Variants in SLC14A2 observed in about 807,000 individuals in gnomAD.
SLC14A2 encodes solute carrier family 14 member 2.
SLC14A2 carries 91 observed loss-of-function variants against 104.6 expected under a neutral mutation model. The observed-to-expected ratio is 0.87, with a 90% CI of 0.73 to 1.04. The LOEUF (loss-of-function observed/expected upper bound fraction) is 1.04, where lower values mean the gene tolerates loss of function less well. Ranked by LOEUF, SLC14A2 falls within the 50% of genes least tolerant of loss-of-function variation. The pLI, the probability that SLC14A2 is intolerant of heterozygous loss-of-function variation, is 0.00. For synonymous variants in SLC14A2, 476 were observed against 466.4 expected (o/e 1.02, Z -0.27); for missense variants, 1,189 against 1,156.0 (o/e 1.03, Z -0.41).
At chr18:45,635,755 G>C (rs2045408316) in intron 5 of SLC14A2, among the ~76,000 whole-genome samples, 1 of 152,208 alleles carries the variant, frequency 6.6e-6, no homozygotes, top group Non-Finnish European at 1.5e-5. Flanking sequence ...GAAGATACTA[G>C]AGCATGTTAT....
the SLC14A2 span, among the ~76,000 whole-genome samples, chr18:45,197,731 G>A: frequency 7.9e-5 from 12 of 152,168 alleles, no homozygotes; most frequent in South Asian, 2.1e-4. Context: ...TGAACAATGC[G>A]TCTCATTCAT....
At chr18:45,319,092 C>A (rs1256934909) in intron 1 of SLC14A2, among the ~76,000 whole-genome samples, 1 of 152,204 alleles carries the variant, frequency 6.6e-6, no homozygotes, top group African/African-American at 2.4e-5. Flanking sequence ...ACTTCCCACT[C>A]ATACAATTTC....
At chr18:45,648,195 C>CTTTTTTTTTTTTTTTTTTTTTT (rs59843067) in intron 10 of SLC14A2, among the ~76,000 whole-genome samples, 1 of 101,248 alleles carries the variant, frequency 9.9e-6, no homozygotes, top group African/African-American at 3.9e-5. Context: ...CTAGTTAATG[C>CTTTTTTTTTTTTTTTTTTTTTT]TTTTTTTTTT....
chr18:45,466,990 AT>A (rs1017150849), intron 1 of SLC14A2, among the ~76,000 whole-genome samples: 1 of 152,058 alleles, frequency 6.6e-6, no homozygotes, highest in African/African-American at 2.4e-5. Flanking sequence ...TTATCTACTG[AT>A]GATGACACAA....
chr18:45,576,272 C>CTTTTTTTTT lies in SLC14A2; in HGVS notation c.-34-48346_-34-48338dup, dbSNP rs776335445. On this transcript the variant is annotated intron_variant, in intron 2 of 20. Transcript: ENST00000586448. ...GGAGAGAAGGTGGCTGGAGCAGGGG[C>CTTTTTTTTT]TTTTTTTTTTTTTTTTTTTTTGAGA... Among the ~76,000 whole-genome samples the CTTTTTTTTT allele has an allele frequency of 8.8e-5, 8 of 90,680 alleles. 1 individual carries two copies. Among genetic ancestry groups the CTTTTTTTTT allele is most frequent in the African/African-American group, 1.7e-4 (4 of 24,000 alleles). 59.5% of individuals were successfully genotyped at this position (90,680 alleles called of 152,430 possible). A position where few individuals can be genotyped will look rare whatever the true frequency, so the allele number is the denominator to read the frequency against.
chr18:45,442,809 T>C lies in SLC14A2; in HGVS notation c.-124-40424T>C, dbSNP rs372807904. On this transcript the variant is annotated intron_variant, in intron 1 of 20. Transcript: ENST00000586448. ...CACTATTGTTATTGTTTGCTAAGCC[T>C]TCATTTGCTAAAGATTTATCTTTAA... Among the ~76,000 whole-genome samples the C allele has an allele frequency of 3.7e-4, 57 of 152,338 alleles. 1 individual carries two copies. The South Asian group carries it at 0.012, about 31-fold the overall frequency.
intron 1 of SLC14A2, among the ~76,000 whole-genome samples, chr18:45,323,920 C>T (rs562182659): frequency 1.3e-5 from 2 of 152,262 alleles, no homozygotes; most frequent in South Asian, 4.1e-4. Context: ...TCAGAGATGA[C>T]TGTTGAACTA....
At chr18:45,580,686 G>A (rs2044478046) in intron 2 of SLC14A2, among the ~76,000 whole-genome samples, 1 of 152,024 alleles carries the variant, frequency 6.6e-6, no homozygotes, top group Non-Finnish European at 1.5e-5. Flanking sequence ...GTAATGCTCT[G>A]AGCCCCATTT....
chr18:45,582,786 A>C (rs1344895015), intron 2 of SLC14A2, among the ~76,000 whole-genome samples: 3 of 152,064 alleles, frequency 2.0e-5, no homozygotes, highest in African/African-American at 7.2e-5. Context: ...GGGCATCTTC[A>C]CATGGCATCT....
intron 1 of SLC14A2, among the ~76,000 whole-genome samples, chr18:45,423,371 G>C (rs1008613677): frequency 2.6e-5 from 4 of 152,232 alleles, no homozygotes; most frequent in Admixed American, 2.0e-4. Context: ...CGAGTTCATA[G>C]TCCTGTCCTG....
intron 2 of SLC14A2, among the ~76,000 whole-genome samples, chr18:45,516,662 G>C (rs985826731): frequency 7.2e-5 from 11 of 152,190 alleles, no homozygotes; most frequent in African/African-American, 2.4e-4. Context: ...AAACCCACTG[G>C]CCTAGTTGAT....
intron 1 of SLC14A2, among the ~76,000 whole-genome samples, chr18:45,450,473 G>C (rs973030782): frequency 9.2e-5 from 14 of 152,176 alleles, no homozygotes; most frequent in African/African-American, 3.4e-4. Context: ...AGGGGTTATA[G>C]GGGTTTGACA....
chr18:45,661,423 T>C (rs1599140411), intron 10 of SLC14A2, among the ~76,000 whole-genome samples: 1 of 152,208 alleles, frequency 6.6e-6, no homozygotes, highest in South Asian at 2.1e-4. Context: ...AAAGGAAAAC[T>C]CCTTTCTTGC....
At chr18:45,345,374 A>T (rs2085437696) in intron 1 of SLC14A2, among the ~76,000 whole-genome samples, 1 of 152,254 alleles carries the variant, frequency 6.6e-6, no homozygotes, top group African/African-American at 2.4e-5. Flanking sequence ...TTAAAGGCAG[A>T]GTCCCTTTCC....
At chr18:45,567,628 G>A (rs1165435582) in intron 2 of SLC14A2, among the ~76,000 whole-genome samples, 2 of 152,104 alleles carry the variant, frequency 1.3e-5, no homozygotes, top group East Asian at 3.9e-4. Flanking sequence ...TGACCATCCT[G>A]GGGAGTGTGA....
At chr18:45,189,027 C>A in the SLC14A2 span, among the ~76,000 whole-genome samples, 1 of 152,198 alleles carries the variant, frequency 6.6e-6, no homozygotes. Context: ...TAGTTTGTTA[C>A]ATGCCTTTTC....
At chr18:45,499,496 G>A (rs1008938017) in intron 2 of SLC14A2, among the ~76,000 whole-genome samples, 5 of 152,062 alleles carry the variant, frequency 3.3e-5, no homozygotes, top group Non-Finnish European at 7.4e-5. Context: ...TATGATCTTG[G>A]GCAATTCACC....
In SLC14A2 at chr18:45,644,028, A is replaced by G. The variant is rs1357466878; in HGVS notation, c.1219A>G (p.Ile407Val). Residue 407 changes from isoleucine (I) to valine (V), a missense_variant, in exon 10 of 20, where the codon ATC becomes GTC. Ile to Val is a conservative substitution (Grantham distance 29). Coordinates refer to ENST00000255226, the MANE Select transcript of SLC14A2 (RefSeq NM_007163.4). ...CACCTGGGCCTTCTGCCTTGCCACCATCATCTTCCTGCTCCTGACGACAAA... is the reference window on the plus strand; with the variant it reads ...CACCTGGGCCTTCTGCCTTGCCACCGTCATCTTCCTGCTCCTGACGACAAA... Reference protein sequence around the residue: ...PGTWAFCLATIIFLLLTTNNP... With the variant: ...PGTWAFCLATVIFLLLTTNNP... 3.1e-6 allele frequency: 5 copies of G among 1,614,086 alleles called. No homozygotes were observed. The highest frequency in any genetic ancestry group is 4.2e-6 in the Non-Finnish European group (5 of 1,179,994).
chr18:45,627,913 G>C (rs2045284457), intron 4 of SLC14A2, among the ~76,000 whole-genome samples: 1 of 150,964 alleles, frequency 6.6e-6, no homozygotes, highest in South Asian at 2.1e-4. Flanking sequence ...GGAAGGCTGA[G>C]GATCTCTTAA....
Sources: gnomAD v4.1 joint callset for allele counts (sites outside exome capture counted in the v4.1 genomes callset) on GRCh38, gnomAD v4.1.1 for gene constraint, MANE v1.5 for transcripts, NCBI Gene and HGNC (gene_info 2026-07-23, HGNC 2026-07-21) for gene names.